Variants in ERC1 observed in about 807,000 individuals in gnomAD.
ERC1 encodes the protein RAB6 interacting protein 2.
In ERC1, 56 loss-of-function variants were observed where a neutral mutation model predicts 132.0. The ratio of observed to expected loss-of-function variants is 0.42; its 90% CI spans 0.34 to 0.53. The LOEUF (loss-of-function observed/expected upper bound fraction) is 0.53, where lower values mean the gene tolerates loss of function less well. ERC1 is among the 20% of genes least tolerant of loss of function. The probability of loss-of-function intolerance (pLI) is 0.03; values close to 1 mark genes in which losing one functional copy is unlikely to be tolerated. For missense variants in ERC1, 1,202 were observed against 1,349.9 expected (o/e 0.89, Z 1.72); for synonymous variants, 478 against 476.1 (o/e 1.00, Z -0.05).
chr12:1,358,664 T>C (rs2085775171), intron 15 of ERC1, among the ~76,000 whole-genome samples: 1 of 152,196 alleles, frequency 6.6e-6, no homozygotes, highest in Admixed American at 6.5e-5. Context: ...TGATACCATG[T>C]AATAAGCTAT....
intron 15 of ERC1, among the ~76,000 whole-genome samples, chr12:1,354,920 C>G (rs984803478): frequency 3.9e-5 from 6 of 152,156 alleles, no homozygotes; most frequent in African/African-American, 1.4e-4. Flanking sequence ...GGGATTACAG[C>G]AGTCCGCCCA....
chr12:1,367,348 G>A lies in ERC1; in HGVS notation c.2781-4485G>A, dbSNP rs548679468. Among the ~76,000 whole-genome samples the A allele has an allele frequency of 3.9e-5, 6 of 152,218 alleles. No individual in the cohort carries two copies. The East Asian group carries it at 1.2e-3, about 29-fold the overall frequency. ...TCTGGTATTTTTCCAGATGTTTTCA[G>A]TATGATAGAATGTATAGAACATGAT... On this transcript the variant is annotated intron_variant, in intron 15 of 18. Coordinates refer to ENST00000360905, the MANE Select transcript of ERC1 (RefSeq NM_178040.4).
chr12:1,113,269 A>G (rs1206781088), intron 6 of ERC1, among the ~76,000 whole-genome samples: 1 of 152,204 alleles, frequency 6.6e-6, no homozygotes. Flanking sequence ...GCTGAATAAT[A>G]AAGTAGCTAA....
chr12:1,095,728 G>A (rs1227539281), intron 3 of ERC1, among the ~76,000 whole-genome samples: 2 of 152,138 alleles, frequency 1.3e-5, no homozygotes, highest in African/African-American at 4.8e-5. Context: ...CAATGCGGGA[G>A]GCATAGGCTT....
In ERC1 at chr12:1,418,592, TTTCTTTCTTTCTTTCTTTC is replaced by T. The variant is rs2092247959; in HGVS notation, c.3024+10348_3024+10366del. 1.6e-4 allele frequency among the ~76,000 whole-genome samples: 3 copies of T among 18,734 alleles called. No homozygotes were observed. In the South Asian group the frequency reaches 0.016, roughly 100 times the overall value. 12.3% of individuals were successfully genotyped at this position (18,734 alleles called of 152,430 possible). A position where few individuals can be genotyped will look rare whatever the true frequency, so the allele number is the denominator to read the frequency against. ...TTCTTTCTTTCTTTCTTTCTTTCTC[TTTCTTTCTTTCTTTCTTTC>T]TTTCTTTCTTTCTTTCTTTCTTTCT... On this transcript the variant is annotated intron_variant, in intron 17 of 18. Transcript: ENST00000360905.
intron 1 of ERC1, among the ~76,000 whole-genome samples, chr12:1,008,019 G>A (rs1010271719): frequency 2.0e-5 from 3 of 152,196 alleles, no homozygotes; most frequent in Admixed American, 2.0e-4. Flanking sequence ...CCCCGCCAGA[G>A]GAGAGTCAGA....
chr12:1,121,088 C>G (rs1016056946), intron 7 of ERC1, among the ~76,000 whole-genome samples: 2 of 152,138 alleles, frequency 1.3e-5, no homozygotes, highest in Non-Finnish European at 2.9e-5. Context: ...GGTTTGTATA[C>G]TTTCATTTTC....
At chr12:1,205,779 A>G (rs1002023343) in intron 12 of ERC1, among the ~76,000 whole-genome samples, 4 of 152,088 alleles carry the variant, frequency 2.6e-5, no homozygotes, top group African/African-American at 7.2e-5. Context: ...AATTTCATGA[A>G]GTGTTTTGCC....
intron 18 of ERC1, among the ~76,000 whole-genome samples, chr12:1,470,657 G>A (rs1391073548): frequency 6.6e-6 from 1 of 152,084 alleles, no homozygotes; most frequent in African/African-American, 2.4e-5. Flanking sequence ...GTTCACTTCA[G>A]TTAATAGATT....
intron 2 of ERC1, among the ~76,000 whole-genome samples, chr12:1,068,716 T>C (rs138503165): frequency 1.5e-3 from 236 of 152,370 alleles, no homozygotes; most frequent in African/African-American, 5.4e-3. Flanking sequence ...TCTCCTCTTA[T>C]GCCCGATTGC....
chr12:1,239,686 C>T lies in ERC1; in HGVS notation c.2487+2782C>T, dbSNP rs185524417. 1.6e-3 allele frequency among the ~76,000 whole-genome samples: 249 copies of T among 152,114 alleles called. 1 individual carries two copies. The highest frequency in any genetic ancestry group is 6.8e-3 in the Middle Eastern group (2 of 294). ...TGAGCTGTGATTGTGCCACTATACT[C>T]CAGCGTATGTGACAGGGCAAGGCCC... On this transcript the variant is annotated intron_variant, in intron 13 of 18. Coordinates refer to ENST00000360905, the MANE Select transcript of ERC1 (RefSeq NM_178040.4).
At chr12:1,103,110 T>A (rs1397268040) in intron 3 of ERC1, among the ~76,000 whole-genome samples, 1 of 152,228 alleles carries the variant, frequency 6.6e-6, no homozygotes, top group Non-Finnish European at 1.5e-5. Flanking sequence ...TATATGGACA[T>A]TTTCTTGCAT....
At chr12:1,094,925 A>T (rs1379882303) in intron 3 of ERC1, among the ~76,000 whole-genome samples, 1 of 152,170 alleles carries the variant, frequency 6.6e-6, no homozygotes, top group East Asian at 1.9e-4. Flanking sequence ...TCAGTATGAT[A>T]AATTCAGAAA....
In ERC1 at chr12:1,105,863, A is replaced by G. The variant is rs1258823128; in HGVS notation, c.1161+1039A>G. 2.0e-5 allele frequency among the ~76,000 whole-genome samples: 3 copies of G among 152,298 alleles called. No homozygotes were observed. The East Asian group carries it at 5.8e-4, about 29-fold the overall frequency. ...TAGCAGTTTTGCCCATCATTGCTGT[A>G]TATCTTTAGTGCAGACAGTGGAAAA... On this transcript the variant is annotated intron_variant, in intron 4 of 18. Coordinates refer to ENST00000360905, the MANE Select transcript of ERC1 (RefSeq NM_178040.4).
chr12:1,120,474 A>G (rs1946954527), intron 7 of ERC1, among the ~76,000 whole-genome samples: 1 of 152,220 alleles, frequency 6.6e-6, no homozygotes, highest in African/African-American at 2.4e-5. Context: ...GCTTATTAGC[A>G]TACCACTTTT....
At chr12:1,300,697 TA>T (rs112106391) in intron 15 of ERC1, among the ~76,000 whole-genome samples, 5,285 of 152,180 alleles carry the variant, frequency 0.035, 100 homozygotes, top group Middle Eastern at 0.075. Flanking sequence ...AGCATATGAA[TA>T]AAAGCTCAAA....
intron 12 of ERC1, among the ~76,000 whole-genome samples, chr12:1,212,053 C>T (rs182628800): frequency 6.4e-4 from 97 of 152,264 alleles, no homozygotes; most frequent in Non-Finnish European, 1.1e-3. Flanking sequence ...AATGCTTCCT[C>T]CTGTCCACTC....
At chr12:1,487,241 A>T (rs2094234359) in intron 18 of ERC1, among the ~76,000 whole-genome samples, 1 of 152,204 alleles carries the variant, frequency 6.6e-6, no homozygotes, top group Non-Finnish European at 1.5e-5. Context: ...AGCATTTAGC[A>T]GAAGGAAGAT....
At chr12:1,318,736 G>A (rs1346875200) in intron 15 of ERC1, among the ~76,000 whole-genome samples, 3 of 152,094 alleles carry the variant, frequency 2.0e-5, no homozygotes, top group Non-Finnish European at 2.9e-5. Context: ...TGTCTCTGGA[G>A]CCAAGAGAAA....
Sources: gnomAD v4.1 joint callset for allele counts (sites outside exome capture counted in the v4.1 genomes callset) on GRCh38, gnomAD v4.1.1 for gene constraint, MANE v1.5 for transcripts, NCBI Gene and HGNC (gene_info 2026-07-23, HGNC 2026-07-21) for gene names.